REPS2: variants seen among roughly 807,000 people sequenced by gnomAD.
The protein encoded by REPS2 is ralBP1-associated Eps domain-containing protein 2.
Under a neutral mutation model 53.6 loss-of-function variants are expected in REPS2, and 23 were observed. That is an observed-to-expected ratio of 0.43 (90% CI 0.31 to 0.61). The LOEUF (loss-of-function observed/expected upper bound fraction) is 0.61. Among genes scored for constraint, REPS2 ranks in the 20% least tolerant of loss-of-function variants. The pLI is 0.11. For missense variants in REPS2, 446 were observed against 534.9 expected, an observed-to-expected ratio of 0.83 and a Z score of 1.64; for synonymous variants, 238 against 218.6, an observed-to-expected ratio of 1.09 and a Z score of -0.78.
intron 16 of REPS2, chrX:17,138,041 C>T (rs1395242672): frequency 8.9e-6 from 1 of 112,605 alleles, no homozygotes; most frequent in Non-Finnish European, 1.9e-5. Context: ...CTCTTTTGCT[C>T]TAAGAATTCG....
chrX:17,079,503 G>T (rs1477953467), intron 13 of REPS2, among the ~76,000 whole-genome samples: 1 of 111,784 alleles, frequency 8.9e-6, no homozygotes, highest in Non-Finnish European at 1.9e-5. Flanking sequence ...TAATATACCT[G>T]TTCTCAAGTT....
At chrX:17,084,037 C>A (rs545182634) in intron 13 of REPS2, among the ~76,000 whole-genome samples, 2,220 of 106,090 alleles carry the variant, frequency 0.021, 29 homozygotes, top group Non-Finnish European at 0.03. Flanking sequence ...TCATCCCCCT[C>A]AAAAGAAACC....
At chrX:17,053,132 T>C (rs1424387390) in intron 7 of REPS2, among the ~76,000 whole-genome samples, 1 of 111,785 alleles carries the variant, frequency 8.9e-6, no homozygotes, top group Non-Finnish European at 1.9e-5. Flanking sequence ...TATAAATATA[T>C]AATTAAAAAC....
intron 12 of REPS2, among the ~76,000 whole-genome samples, chrX:17,074,973 G>T (rs1203695648): frequency 8.9e-6 from 1 of 111,777 alleles, no homozygotes; most frequent in Admixed American, 9.5e-5. Context: ...TTGAAATACT[G>T]ATATTTAAGG....
At chrX:17,057,809 G>A (rs1215180588) in intron 8 of REPS2, among the ~76,000 whole-genome samples, 2 of 112,960 alleles carry the variant, frequency 1.8e-5, no homozygotes, top group Admixed American at 9.3e-5. Flanking sequence ...ACGCCTACAT[G>A]GCTCTCATTG....
At chrX:17,130,322 T>C (rs983653765) in intron 14 of REPS2, among the ~76,000 whole-genome samples, 1 of 111,919 alleles carries the variant, frequency 8.9e-6, no homozygotes, top group Admixed American at 9.4e-5. Flanking sequence ...CCCTCACTCC[T>C]GCTTCTCCTG....
At chrX:17,187,741 C>A in the REPS2 span, among the ~76,000 whole-genome samples, 1 of 112,253 alleles carries the variant, frequency 8.9e-6, no homozygotes, top group South Asian at 3.7e-4. Context: ...CACCTTTCAG[C>A]AGGGCTTCCA....
intron 14 of REPS2, among the ~76,000 whole-genome samples, chrX:17,116,614 C>T (rs910279126): frequency 8.9e-6 from 1 of 111,778 alleles, no homozygotes. Flanking sequence ...TAGAATTTTT[C>T]CTATTCTGTT....
chrX:17,140,915 C>T (rs1363104418), intron 17 of REPS2, among the ~76,000 whole-genome samples: 1 of 109,802 alleles, frequency 9.1e-6, no homozygotes, highest in African/African-American at 3.3e-5. Context: ...GGACTACAGG[C>T]GCCTGCCACC....
rs762778298 is a variant in REPS2 at position 16,985,906 on chromosome X, T to A, written c.274-20315T>A. Among the ~76,000 whole-genome samples, 3 of 112,163 alleles carry A rather than the reference T, an allele frequency of 2.7e-5. No homozygotes were observed. The South Asian group carries it at 1.1e-3, about 42-fold the overall frequency. ...GGAGGTGGAGTTGTTGCTTAAGATC[T>A]GAAAGTCAGGAAGCTGGAGGTTTTT... On this transcript the variant is annotated intron_variant, in intron 1 of 17. Transcript: ENST00000357277.
chrX:17,039,804 G>A (rs1221237419), intron 5 of REPS2, among the ~76,000 whole-genome samples: 1 of 112,116 alleles, frequency 8.9e-6, no homozygotes, highest in Non-Finnish European at 1.9e-5. Context: ...CTGCAAAATG[G>A]GAATTACCGG....
intron 2 of REPS2, among the ~76,000 whole-genome samples, chrX:17,020,257 A>G (rs1185310401): frequency 8.9e-6 from 1 of 112,460 alleles, no homozygotes; most frequent in African/African-American, 3.2e-5. Flanking sequence ...CCAGTAAGGC[A>G]CTGGTCAGGG....
intron 13 of REPS2, among the ~76,000 whole-genome samples, chrX:17,098,609 T>TG (rs2062740023): frequency 4.8e-5 from 2 of 41,510 alleles, no homozygotes; most frequent in African/African-American, 9.8e-5. Flanking sequence ...AAAAAATGGT[T>TG]TTGTGTGTGT....
chrX:17,192,594 C>T, the REPS2 span, among the ~76,000 whole-genome samples: 1 of 111,416 alleles, frequency 9.0e-6, no homozygotes, highest in Non-Finnish European at 1.9e-5. Flanking sequence ...AGCAATTCTC[C>T]CTCATATTTT....
rs1228048393 is a variant in REPS2, at chrX:16,946,881, C to G, written c.20C>G (p.Ala7Gly). 9.2e-6 allele frequency: 7 copies of G among 762,663 alleles called. No homozygotes were observed. Among genetic ancestry groups the G allele is most frequent in the Non-Finnish European group, 1.1e-5 (7 of 649,774 alleles). The allele number at this position is 762,663 out of a possible 1,213,427, so 62.9% of individuals were successfully genotyped here. MEAAAA[A>G]AAAAAAAAAA... Reference sequence around the variant, plus strand: ...GGCCCCATGGAGGCGGCAGCGGCGGCGGCGGCGGCGGCAGCGGCAGCGGCA... The same window carrying G: ...GGCCCCATGGAGGCGGCAGCGGCGGGGGCGGCGGCGGCAGCGGCAGCGGCA... The change falls in exon 1 of 18, where the codon GCG (alanine) becomes GGG (glycine). Residue 7 changes from alanine to glycine, a missense_variant. By Grantham distance (60) the Ala-to-Gly change is moderately conservative. Coordinates refer to ENST00000357277, the MANE Select transcript of REPS2 (RefSeq NM_004726.3).
At chrX:16,970,399 T>C (rs1296594766) in intron 1 of REPS2, among the ~76,000 whole-genome samples, 1 of 111,299 alleles carries the variant, frequency 9.0e-6, no homozygotes, top group Non-Finnish European at 1.9e-5. Flanking sequence ...GGTTTCACCA[T>C]GTTGGCCAGG....
rs1188933303 is a variant in REPS2, at chrX:16,946,731, G to T, written c.-131G>T. On this transcript the variant is annotated 5_prime_UTR_variant, in exon 1 of 18. Coordinates refer to ENST00000357277, the MANE Select transcript of REPS2 (RefSeq NM_004726.3). The stretch of plus-strand genomic sequence containing the variant: ...CGCGCGGCAGCTGCGGGGCGTGGGG[G>T]TGGTGGTGGCGGCGGCGGTGGTGGC... 3.6e-5 allele frequency: 25 copies of T among 688,573 alleles called. No homozygotes were observed. The highest frequency in any genetic ancestry group is 1.6e-4 in the East Asian group (1 of 6,446). The allele number at this position is 688,573 out of a possible 1,213,427, so 56.7% of individuals were successfully genotyped here.
At chrX:16,964,311 A>C (rs2060704235) in intron 1 of REPS2, among the ~76,000 whole-genome samples, 1 of 109,666 alleles carries the variant, frequency 9.1e-6, no homozygotes. Flanking sequence ...CCCTGAGTGG[A>C]TACAGCACAT....
At chrX:16,965,376 C>G (rs1473920288) in intron 1 of REPS2, among the ~76,000 whole-genome samples, 17 of 110,120 alleles carry the variant, frequency 1.5e-4, no homozygotes, top group African/African-American at 2.3e-4. Flanking sequence ...GACCCCCCCA[C>G]CTCCCTCCCG....
Sources: allele counts gnomAD v4.1 joint callset (sites outside exome capture counted in the v4.1 genomes callset), GRCh38; gene constraint gnomAD v4.1.1; transcripts MANE v1.5; gene names NCBI Gene and HGNC (gene_info 2026-07-23, HGNC 2026-07-21).